The following GART variants were observed in gnomAD, a reference collection of about 807,000 sequenced individuals.
The protein encoded by GART is phosphoribosylglycinamide formyltransferase, phosphoribosylglycinamide synthetase, phosphoribosylaminoimidazole synthetase.
Under a neutral mutation model 107.2 loss-of-function variants are expected in GART, and 43 were observed. The ratio of observed to expected loss-of-function variants is 0.40; its 90% confidence interval spans 0.31 to 0.52. The LOEUF (loss-of-function observed/expected upper bound fraction) is 0.52. GART is among the 20% of genes least tolerant of loss of function. The probability of loss-of-function intolerance (pLI) is 0.52; values close to 1 mark genes in which losing one functional copy is unlikely to be tolerated. For missense variants in GART, 1,107 were observed against 1,206.5 expected (o/e 0.92, Z 1.22); for synonymous variants, 434 against 427.0 (o/e 1.02, Z -0.20).
At position 33,518,885 on chromosome 21, in the gene GART, C is replaced by T. The variant is rs555311098; in HGVS notation, c.1703-1277G>A. On this transcript the variant is annotated intron_variant, in intron 14 of 21. Coordinates refer to ENST00000381815, the MANE Select transcript of GART (RefSeq NM_000819.5). ...ATCAGCTGCGTTGTCTCAGCATGGC[C>T]TGTAATGGTGAAAGTGTTCACTGCC... is the stretch of plus-strand genomic sequence containing the variant. 3 of 532,948 alleles carry T rather than the reference C, an allele frequency of 5.6e-6. No individual in the cohort carries two copies. The East Asian group carries it at 1.4e-4, about 26-fold the overall frequency. 33.0% of individuals were successfully genotyped at this position (532,948 alleles called of 1,614,324 possible). A position where few individuals can be genotyped will look rare whatever the true frequency, so the allele number is the denominator to read the frequency against.
At position 33,538,344 on chromosome 21, in the gene GART, T is replaced by A. The variant is rs115175048; in HGVS notation, c.145+827A>T. 8.3e-3 allele frequency among the ~76,000 whole-genome samples: 1,262 copies of A among 151,974 alleles called. 22 individuals carry two copies. The highest frequency in any genetic ancestry group is 0.029 in the African/African-American group (1,215 of 41,426). Reference sequence around the variant, plus strand: ...TTTGTGAGACAGGTTCTCATCTTACTCTGTTGCCCAAGTAGCTGGCACTAC... The same window carrying A: ...TTTGTGAGACAGGTTCTCATCTTACACTGTTGCCCAAGTAGCTGGCACTAC... On this transcript the variant is annotated intron_variant, in intron 2 of 21. Coordinates refer to ENST00000381815, the MANE Select transcript of GART (RefSeq NM_000819.5).
At chr21:33,533,701 T>C (rs981859104) in intron 4 of GART, among the ~76,000 whole-genome samples, 45 of 152,104 alleles carry the variant, frequency 3.0e-4, no homozygotes, top group African/African-American at 1.1e-3. Context: ...GCTTAAGAGT[T>C]TGAGACCGGC....
intron 10 of GART, among the ~76,000 whole-genome samples, 156 bp from the exon 11 acceptor site, chr21:33,525,156 G>A (rs2085048679): frequency 2.6e-5 from 4 of 151,616 alleles, no homozygotes; most frequent in Non-Finnish European, 5.9e-5. Context: ...GGAGGCTGAG[G>A]CAAGGACTGC....
chr21:33,531,931 G>C lies in GART; in HGVS notation c.529-374C>G, dbSNP rs531444424. The C allele has an allele frequency of 3.3e-5, 8 of 243,178 alleles. 1 individual carries two copies. In the South Asian group the frequency reaches 6.6e-4, roughly 20 times the overall value. 15.1% of individuals were successfully genotyped at this position (243,178 alleles called of 1,614,324 possible). ...ATACTAAAGCATGCTTGTGAAAGTAGACTTCTACAAGGACAGAAAACCCAC... is the reference window on the plus strand; with the variant it reads ...ATACTAAAGCATGCTTGTGAAAGTACACTTCTACAAGGACAGAAAACCCAC... On this transcript the variant is annotated intron_variant, in intron 5 of 21. Coordinates refer to ENST00000381815, the MANE Select transcript of GART (RefSeq NM_000819.5).
At position 33,528,276 on chromosome 21, in the gene GART, T is replaced by C; in HGVS notation, c.957A>G (p.Gly319=). ...LYEVIQSTLD[G]LLCTSLPVWL... ...AAACAGGCAGAGATGTGCAGAGCAGTCCATCTAAGGTGGACTGAATCACTT... is the reference window on the plus strand; with the variant it reads ...AAACAGGCAGAGATGTGCAGAGCAGCCCATCTAAGGTGGACTGAATCACTT... The change falls in exon 10 of 22, where the codon GGA becomes GGG. Residue 319 remains glycine, a synonymous_variant. Transcript: ENST00000381815. The C allele has an allele frequency of 6.2e-7, 1 of 1,614,018 alleles. No individual in the cohort carries two copies. Among genetic ancestry groups the C allele is most frequent in the Non-Finnish European group, 8.5e-7 (1 of 1,179,924 alleles).
In GART at chr21:33,505,682, A is replaced by G. The variant is rs61735779; in HGVS notation, c.2604T>C (p.Tyr868=). The change falls in exon 20 of 22, where the codon TAT becomes TAC. Residue 868 remains tyrosine (Y), a synonymous_variant. Coordinates refer to ENST00000381815, the MANE Select transcript of GART (RefSeq NM_000819.5). ...IPTRVINHKL[Y]KNRVEFDSAI... is the part of the protein sequence containing the mutation. ...CACTGTCAAATTCTACACGATTTTTATACAGTTTATGATTAATTACCTGTA... is the reference window on the plus strand; with the variant it reads ...CACTGTCAAATTCTACACGATTTTTGTACAGTTTATGATTAATTACCTGTA... The G allele has an allele frequency of 1.4e-3, 2,211 of 1,606,376 alleles. 27 individuals are homozygous for G. The African/African-American group carries it at 0.026, about 19-fold the overall frequency.
intron 6 of GART, 31 bp downstream of exon 6, chr21:33,531,458 C>G: frequency 6.2e-7 from 1 of 1,601,234 alleles, no homozygotes; most frequent in African/African-American, 1.3e-5. Context: ...TTCTTATACA[C>G]TACAAAAGCC....
At chr21:33,530,971 T>C (rs1444118181) in intron 6 of GART, 87 bp from the exon 7 acceptor site, 9 of 1,297,254 alleles carry the variant, frequency 6.9e-6, no homozygotes, top group Non-Finnish European at 9.1e-6. Flanking sequence ...TGTCCCTTAA[T>C]TCTTCTTTGA....
At chr21:33,537,448 C>T (rs2085326456) in intron 2 of GART, among the ~76,000 whole-genome samples, 2 of 152,202 alleles carry the variant, frequency 1.3e-5, no homozygotes, top group South Asian at 4.1e-4. Flanking sequence ...AGACAAGTTC[C>T]TTGCCCTCAT....
intron 5 of GART, chr21:33,532,015 AGACCCGG>A (rs1316024016): frequency 3.6e-6 from 1 of 278,892 alleles, no homozygotes; most frequent in Non-Finnish European, 6.7e-6. Flanking sequence ...TACTTCTCTT[AGACCCGG>A]GACATGTGGG....
In GART at chr21:33,522,265, T is replaced by G; in HGVS notation, c.1316A>C (p.Glu439Ala). 1 of 1,613,202 alleles carries G rather than the reference T, an allele frequency of 6.2e-7. No individual in the cohort carries two copies. The highest frequency in any genetic ancestry group is 8.5e-7 in the Non-Finnish European group (1 of 1,179,252). Residue 439 changes from glutamate (E) to alanine (A), a missense_variant, in exon 12 of 22, where the codon GAA becomes GCA. By Grantham distance (107) the Glu-to-Ala change is moderately radical. Coordinates refer to ENST00000381815, the MANE Select transcript of GART (RefSeq NM_000819.5). ...LQQPRSLTYK[E>A]SGVDIAAGNM... ...TCCAGCTGCGATATCTACTCCAGAT[T>G]CCTTGTAAGTCAAACTCCTAAAGAA...
Position 33,511,336 on chromosome 21 carries a change from C to T in GART, c.2230G>A (p.Glu744Lys). 6.2e-7 allele frequency: 1 copy of T among 1,614,220 alleles called. No individual in the cohort carries two copies. The highest frequency in any genetic ancestry group is 2.2e-5 in the East Asian group (1 of 44,890). The change falls in exon 17 of 22, where the codon GAG becomes AAG. Residue 744 changes from glutamate to lysine, a missense_variant. Glu to Lys is a moderately conservative substitution (Grantham distance 56). Transcript: ENST00000381815. The part of the protein sequence containing the change: ...GVGAVLVVSK[E>K]QTEQILRDIQ... Reference sequence around the variant, plus strand: ...TCCCTCAGAATCTGCTCTGTCTGCTCCTTTGATACCACAAGGACAGCGCCA... The same window carrying T: ...TCCCTCAGAATCTGCTCTGTCTGCTTCTTTGATACCACAAGGACAGCGCCA...
chr21:33,516,060 C>T (rs2084872117), intron 16 of GART, among the ~76,000 whole-genome samples: 1 of 151,710 alleles, frequency 6.6e-6, no homozygotes, highest in Non-Finnish European at 1.5e-5. Flanking sequence ...CCAGCCTGGC[C>T]AACAAGGTGA....
chr21:33,533,415 G>A (rs935222791), intron 4 of GART, among the ~76,000 whole-genome samples: 21 of 147,210 alleles, frequency 1.4e-4, no homozygotes, highest in African/African-American at 2.0e-4. Context: ...ACTGCAGTCC[G>A]GCCTGGGTGA....
In GART at chr21:33,532,401, C is replaced by A. The variant is rs1569032075; in HGVS notation, c.472G>T (p.Val158Leu). ...TCTTCTTTGCTCTTTGCAACAATCACCCCTTTTCCAGCTGCAAGACCACTG... is the reference window on the plus strand; with the variant it reads ...TCTTCTTTGCTCTTTGCAACAATCAACCCTTTTCCAGCTGCAAGACCACTG... ...KASGLAAGKG[V>L]IVAKSKEEAC... Residue 158 changes from valine to leucine, a missense_variant, in exon 5 of 22, where the codon GTG (valine) becomes TTG (leucine). Coordinates refer to ENST00000381815, the MANE Select transcript of GART (RefSeq NM_000819.5). 3.7e-6 allele frequency: 6 copies of A among 1,613,988 alleles called. No individual in the cohort carries two copies. The highest frequency in any genetic ancestry group is 4.2e-6 in the Non-Finnish European group (5 of 1,180,034).
chr21:33,542,889 C>T (rs952472606), upstream of GART: 8 of 610,192 alleles, frequency 1.3e-5, no homozygotes, highest in Non-Finnish European at 2.3e-5. Context: ...ACGTCAGCAC[C>T]TCTACCCCAG....
chr21:33,525,150 G>T, intron 10 of GART, 150 bp from the exon 11 acceptor site: 1 of 1,357,274 alleles, frequency 7.4e-7, no homozygotes, highest in Non-Finnish European at 9.7e-7. Flanking sequence ...ACTTTGGGAG[G>T]CTGAGGCAAG....
intron 1 of GART, among the ~76,000 whole-genome samples, chr21:33,540,987 G>A (rs1340830857): frequency 6.6e-6 from 1 of 151,260 alleles, no homozygotes; most frequent in East Asian, 1.9e-4. Context: ...TTTTGCTTCA[G>A]ATTCTCTCAA....
Position 33,509,764 on chromosome 21 carries a change from A to G in GART, c.2452+19T>C. The G allele has an allele frequency of 6.2e-7, 1 of 1,612,092 alleles. No individual in the cohort carries two copies. Among genetic ancestry groups the G allele is most frequent in the Non-Finnish European group, 8.5e-7 (1 of 1,179,254 alleles). On this transcript the variant is annotated intron_variant, in intron 18 of 21. Coordinates refer to ENST00000381815, the MANE Select transcript of GART (RefSeq NM_000819.5). ...AGGGCAGTCAACAGCTCTACAGTGA[A>G]GGGGAAGCCACATCTCACCTGTTCC...
Sources: allele counts gnomAD v4.1 joint callset (sites outside exome capture counted in the v4.1 genomes callset), GRCh38; gene constraint gnomAD v4.1.1; transcripts MANE v1.5; gene names NCBI Gene and HGNC (gene_info 2026-07-23, HGNC 2026-07-21).